The following METTL9 variants were observed in gnomAD, a reference collection of about 807,000 sequenced individuals.
METTL9 encodes the protein protein-L-histidine N-pros-methyltransferase.
A neutral mutation model predicts 36.0 loss-of-function variants in METTL9; 10 were observed. That is an observed-to-expected ratio of 0.28 (90% CI 0.17 to 0.47). The LOEUF is 0.47. METTL9 is among the 20% of genes least tolerant of loss of function. The pLI, the probability that METTL9 is intolerant of heterozygous loss-of-function variation, is 0.99. For synonymous variants in METTL9, 175 were observed against 149.7 expected, an observed-to-expected ratio of 1.17 and a Z score of -1.23; for missense variants, 246 against 383.5, an observed-to-expected ratio of 0.64 and a Z score of 3.00.
chr16:21,604,828 G>T (rs1016450205), intron 1 of METTL9, among the ~76,000 whole-genome samples: 1 of 152,110 alleles, frequency 6.6e-6, no homozygotes, highest in Non-Finnish European at 1.5e-5. Flanking sequence ...GTTTTTGGTA[G>T]CCCTGAATGC....
At chr16:21,614,161 T>A (rs1965499152) in intron 2 of METTL9, among the ~76,000 whole-genome samples, 1 of 152,196 alleles carries the variant, frequency 6.6e-6, no homozygotes, top group Non-Finnish European at 1.5e-5. Context: ...ATATGGGTGG[T>A]TGAGTTGATA....
Position 21,627,245 on chromosome 16 carries a change from G to A in METTL9, c.751+2130G>A, listed in dbSNP as rs919365985. ...GGTTTTGCTGTGTAGATTCATGAAT[G>A]CTGGACTGTTGGAGGATATCTGAGT... On this transcript the variant is annotated intron_variant, in intron 4 of 4. Transcript: ENST00000358154. 9.1e-6 allele frequency: 9 copies of A among 984,948 alleles called. No homozygotes were observed. In the African/African-American group the frequency reaches 1.2e-4, roughly 13 times the overall value. The allele number at this position is 984,948 out of a possible 1,614,324, so 61.0% of individuals were successfully genotyped here.
intron 4 of METTL9, chr16:21,654,995 A>G (rs3759992): frequency 0.75 from 409,491 of 543,694 alleles, 155,464 homozygotes; most frequent in African/African-American, 0.82. Flanking sequence ...TTACATTTCC[A>G]TACTGACACT....
At chr16:21,631,986 T>TTCTTTCTC (rs1197278539) in intron 4 of METTL9, among the ~76,000 whole-genome samples, 5 of 152,214 alleles carry the variant, frequency 3.3e-5, no homozygotes, top group African/African-American at 1.2e-4. Context: ...GTCTCTTTCT[T>TTCTTTCTC]TCTTTCTCTC....
At position 21,637,777 on chromosome 16, in the gene METTL9, C is replaced by T. The variant is rs528154721; in HGVS notation, c.751+12662C>T. On this transcript the variant is annotated intron_variant, in intron 4 of 4. Transcript: ENST00000358154. The stretch of plus-strand genomic sequence containing the variant: ...CTTCCCCGCGAGCAGAGAGCCAGTC[C>T]GGCCTCGGCCAGCCACAGAGAGGGG... Among the ~76,000 whole-genome samples the T allele has an allele frequency of 8.9e-4, 136 of 152,358 alleles. 1 individual carries two copies. Among genetic ancestry groups the T allele is most frequent in the Admixed American group, 2.3e-3 (35 of 15,306 alleles).
chr16:21,627,430 T>C (rs1274013090), intron 4 of METTL9: 19 of 972,670 alleles, frequency 2.0e-5, no homozygotes, highest in Non-Finnish European at 1.8e-5. Flanking sequence ...TAATTTCAGT[T>C]TATTTGGTTT....
At chr16:21,621,881 T>C (rs1045255213) in intron 3 of METTL9, among the ~76,000 whole-genome samples, 2 of 151,788 alleles carry the variant, frequency 1.3e-5, no homozygotes, top group Admixed American at 1.3e-4. Flanking sequence ...ATCTTTTTTT[T>C]TGGGAGACGG....
intron 1 of METTL9, among the ~76,000 whole-genome samples, chr16:21,604,515 G>C (rs1435293494): frequency 6.6e-6 from 1 of 152,112 alleles, no homozygotes; most frequent in African/African-American, 2.4e-5. Context: ...TGTTTTAATT[G>C]ATTCCCCTCA....
intron 4 of METTL9, among the ~76,000 whole-genome samples, chr16:21,633,051 GC>G (rs2141598343): frequency 6.6e-6 from 1 of 152,254 alleles, no homozygotes; most frequent in Non-Finnish European, 1.5e-5. Flanking sequence ...GTATAGAGGG[GC>G]CTGGCTATCT....
chr16:21,599,410 C>T (rs1196878717), upstream of METTL9: 7 of 1,098,504 alleles, frequency 6.4e-6, no homozygotes, highest in Admixed American at 5.4e-5. The surrounding 1 kb of genome is among the most constrained non-coding windows in gnomAD (Gnocchi z 4.4). Flanking sequence ...TGCGCGCTCC[C>T]TTTGTCCCGC....
intron 4 of METTL9, among the ~76,000 whole-genome samples, chr16:21,636,649 C>T (rs995693365): frequency 9.9e-5 from 15 of 152,152 alleles, no homozygotes; most frequent in African/African-American, 2.9e-4. Flanking sequence ...TGTCGACCCT[C>T]GGTTCAGCCC....
chr16:21,628,480 CT>C (rs1341756905), intron 4 of METTL9, among the ~76,000 whole-genome samples: 1 of 151,948 alleles, frequency 6.6e-6, no homozygotes, highest in Non-Finnish European at 1.5e-5. Context: ...TCCTCCCCCA[CT>C]TTTTTTTCTT....
intron 4 of METTL9, chr16:21,641,996 G>A (rs1314144477): frequency 6.5e-6 from 1 of 153,278 alleles, no homozygotes; most frequent in Non-Finnish European, 1.5e-5. Context: ...AGGATGAAAC[G>A]ACTACTTAGA....
At chr16:21,637,844 G>A (rs1369301938) in intron 4 of METTL9, among the ~76,000 whole-genome samples, 2 of 152,258 alleles carry the variant, frequency 1.3e-5, no homozygotes, top group East Asian at 1.9e-4. Context: ...CCTTGAGTGC[G>A]GTCAGAGCGG....
At chr16:21,651,430 G>T (rs139747002) in intron 4 of METTL9, among the ~76,000 whole-genome samples, 1,572 of 152,144 alleles carry the variant, frequency 0.01, 15 homozygotes, top group Middle Eastern at 0.017. Context: ...AGGTGGGTGG[G>T]ACTGCAGGTG....
In METTL9 at chr16:21,599,676, G is replaced by GCCT. The variant is rs946879979; in HGVS notation, c.-47_-45dup. 236 of 1,382,872 alleles carry GCCT rather than the reference G, an allele frequency of 1.7e-4. No homozygotes were observed. Among genetic ancestry groups the GCCT allele is most frequent in the Admixed American group, 3.2e-4 (9 of 28,400 alleles). 85.7% of individuals were successfully genotyped at this position (1,382,872 alleles called of 1,614,324 possible). On this transcript the variant is annotated 5_prime_UTR_variant, in exon 1 of 5. Transcript: ENST00000358154. This position sits in a 1 kb window ranked among gnomAD's most constrained non-coding sequence, Gnocchi z 4.4. ...GGCGGCGGTGGCCGGAGGCGGCGGT[G>GCCT]CCTCCTCCTCCTCGCCCCGGCGCCG...
chr16:21,626,862 G>A (rs1965825622), intron 4 of METTL9: 2 of 780,152 alleles, frequency 2.6e-6, no homozygotes, highest in South Asian at 5.8e-5. Context: ...TCCTGGCATA[G>A]CAGGAGATGA....
At chr16:21,639,628 G>C (rs905145862) in intron 4 of METTL9, 1 of 152,032 alleles carries the variant, frequency 6.6e-6, no homozygotes, top group Non-Finnish European at 1.5e-5. Flanking sequence ...ATTTGTTTTT[G>C]TGTATAAGGT....
At chr16:21,634,847 C>T (rs1966046584) in intron 4 of METTL9, among the ~76,000 whole-genome samples, 1 of 152,186 alleles carries the variant, frequency 6.6e-6, no homozygotes, top group African/African-American at 2.4e-5. Flanking sequence ...CGGTGGACAG[C>T]ATTGAATAAT....
Sources: gnomAD v4.1 joint callset for allele counts (sites outside exome capture counted in the v4.1 genomes callset) on GRCh38, gnomAD v4.1.1 for gene constraint, Gnocchi (gnomAD v3.1) non-coding constraint, MANE v1.5 for transcripts, NCBI Gene and HGNC (gene_info 2026-07-23, HGNC 2026-07-21) for gene names.